EZR: variants seen among roughly 807,000 people sequenced by gnomAD.
The protein encoded by EZR is ezrin, also known as cytovillin 2.
EZR carries 40 observed loss-of-function variants against 74.8 expected under a neutral mutation model. That is an observed-to-expected ratio of 0.53 (90% CI 0.42 to 0.70). EZR has a LOEUF of 0.70. EZR is among the 30% of genes least tolerant of loss of function. The pLI is 0.00. For synonymous variants in EZR, 341 were observed against 283.3 expected (o/e 1.20, Z -2.05); for missense variants, 678 against 755.8 (o/e 0.90, Z 1.21).
chr6:158,808,670 T>C (rs954501325), intron 2 of EZR, among the ~76,000 whole-genome samples: 3 of 152,156 alleles, frequency 2.0e-5, no homozygotes, highest in Admixed American at 1.3e-4. Flanking sequence ...ACGCAGGATC[T>C]TGTTTACAGA....
chr6:158,790,346 A>T (rs976531012), intron 2 of EZR, among the ~76,000 whole-genome samples: 1 of 152,216 alleles, frequency 6.6e-6, no homozygotes, highest in Non-Finnish European at 1.5e-5. Context: ...GGGCCTTAAA[A>T]TATTTCTAAT....
chr6:158,807,821 T>A (rs973827465), intron 2 of EZR, among the ~76,000 whole-genome samples: 1 of 152,128 alleles, frequency 6.6e-6, no homozygotes, highest in Non-Finnish European at 1.5e-5. Context: ...CGGCTCCCTT[T>A]ACAACTCCAA....
intron 12 of EZR, among the ~76,000 whole-genome samples, 180 bp from the exon 13 acceptor site, chr6:158,767,692 C>A (rs1231132077): frequency 6.6e-6 from 1 of 152,128 alleles, no homozygotes; most frequent in Non-Finnish European, 1.5e-5. Context: ...CCTCTGCGTC[C>A]AAGACAGGAA....
rs145886084 is a variant in EZR at position 158,773,252 on chromosome 6, CTCCCTT to C, written c.796-1851_796-1846del. Among the ~76,000 whole-genome samples, 502 of 152,314 alleles carry C rather than the reference CTCCCTT, an allele frequency of 3.3e-3. 3 individuals are homozygous for C. The highest frequency in any genetic ancestry group is 0.023 in the Admixed American group (356 of 15,296). ...GGTTAACATAACAATGTCTCCCTCT[CTCCCTT>C]TCCCTGCAGAAGACAGGTCCTGCCA... On this transcript the variant is annotated intron_variant, in intron 8 of 13. Transcript: ENST00000367075.
chr6:158,767,384 A>C lies in EZR; in HGVS notation c.1473T>G (p.Asp491Glu). The C allele has an allele frequency of 6.2e-7, 1 of 1,610,706 alleles. No homozygotes were observed. The change falls in exon 13 of 14, where the codon GAT becomes GAG. Residue 491 changes from aspartate to glutamate, a missense_variant. Physicochemically the swap from Asp to Glu is conservative, Grantham distance 45. Around this residue, in one of 3 missense-constraint regions of EZR, gnomAD observed 342 missense variants for 341.2 expected, o/e 1.00. Coordinates refer to ENST00000367075, the MANE Select transcript of EZR (RefSeq NM_001111077.2). ...VSYHVQESLQ[D>E]EGAEPTGYSA... ...TGTAGCCCGTGGGCTCTGCGCCCTC[A>C]TCCTGCAAGCTCTCCTGGACATGGT...
At chr6:158,803,570 T>A (rs1418739178) in intron 2 of EZR, among the ~76,000 whole-genome samples, 5 of 7,850 alleles carry the variant, frequency 6.4e-4, no homozygotes, top group African/African-American at 7.7e-4. Flanking sequence ...TATATATATA[T>A]ATATATATAT....
At chr6:158,813,338 T>A (rs1038565259) in intron 2 of EZR, among the ~76,000 whole-genome samples, 14 of 152,204 alleles carry the variant, frequency 9.2e-5, no homozygotes, top group African/African-American at 3.4e-4. Context: ...TCAGGCATAC[T>A]CTCTGAAGCT....
intron 2 of EZR, among the ~76,000 whole-genome samples, chr6:158,815,443 G>A (rs1406562912): frequency 6.6e-6 from 1 of 152,126 alleles, no homozygotes; most frequent in Non-Finnish European, 1.5e-5. Flanking sequence ...TGGCAGACAG[G>A]TATGGCTGAC....
At chr6:158,773,758 C>T (rs1217820551) in intron 8 of EZR, among the ~76,000 whole-genome samples, 2 of 152,246 alleles carry the variant, frequency 1.3e-5, no homozygotes, top group African/African-American at 4.8e-5. Context: ...GGGAAGCGTC[C>T]GAGGAGTCAG....
intron 4 of EZR, among the ~76,000 whole-genome samples, 167 bp from the exon 5 acceptor site, chr6:158,785,750 A>G (rs374613494): frequency 3.9e-5 from 6 of 152,336 alleles, no homozygotes; most frequent in African/African-American, 9.6e-5. Context: ...AGGTTAGTCA[A>G]AAGTGCTACC....
chr6:158,787,959 C>T (rs1791627635), intron 3 of EZR, among the ~76,000 whole-genome samples: 1 of 152,200 alleles, frequency 6.6e-6, no homozygotes, highest in African/African-American at 2.4e-5. Flanking sequence ...AACAGAAAAG[C>T]AGTGATAGTC....
chr6:158,783,564 A>T lies in EZR; in HGVS notation c.654T>A (p.Leu218=), dbSNP rs760192037. 2 of 1,613,502 alleles carry T rather than the reference A, an allele frequency of 1.2e-6. No homozygotes were observed. Among genetic ancestry groups the T allele is most frequent in the South Asian group, 2.2e-5 (2 of 91,042 alleles). Residue 218 remains leucine, a synonymous_variant, in exon 7 of 14, where the codon CTT becomes CTA. Coordinates refer to ENST00000367075, the MANE Select transcript of EZR (RefSeq NM_001111077.2). ...TATTCAGTCCAAGGGCATCAACTCC[A>T]AGCCAAAGGTCTGTTCCTTTCTTGT... The part of the protein sequence containing the change: ...IKNKKGTDLW[L]GVDALGLNIY...
In EZR at chr6:158,776,515, A is replaced by C. The variant is rs1791283651; in HGVS notation, c.699-11T>G. 6.3e-7 allele frequency: 1 copy of C among 1,596,774 alleles called. No homozygotes were observed. The highest frequency in any genetic ancestry group is 8.6e-7 in the Non-Finnish European group (1 of 1,167,914). On this transcript the variant is annotated splice_polypyrimidine_tract_variant and intron_variant, in intron 7 of 13. Coordinates refer to ENST00000367075, the MANE Select transcript of EZR (RefSeq NM_001111077.2). ...ATCTTTGGGGTTAACCTGAGGTTAA[A>C]AAGAAGAAGTGGATGGTTAGATGTA...
chr6:158,766,186 C>CT lies in EZR; in HGVS notation c.*727dup, dbSNP rs1409049342. On this transcript the variant is annotated 3_prime_UTR_variant, in exon 14 of 14. Coordinates refer to ENST00000367075, the MANE Select transcript of EZR (RefSeq NM_001111077.2). ...AGGTAACAAAATATACAGAACAAAACTTTCCCTTTTTAAAACTAATGTTAC... is the reference window on the plus strand; with the variant it reads ...AGGTAACAAAATATACAGAACAAAACTTTTCCCTTTTTAAAACTAATGTTAC... 6.6e-6 allele frequency: 1 copy of CT among 152,292 alleles called. No homozygotes were observed. Among genetic ancestry groups the CT allele is most frequent in the Non-Finnish European group, 1.5e-5 (1 of 68,006 alleles). 9.4% of individuals were successfully genotyped at this position (152,292 alleles called of 1,614,324 possible).
At chr6:158,769,261 C>A (rs1791017974) in intron 12 of EZR, 65 bp downstream of exon 12, 2 of 1,441,960 alleles carry the variant, frequency 1.4e-6, no homozygotes, top group Non-Finnish European at 1.9e-6. Context: ...GCAGAAGGGC[C>A]CCACCGCAGG....
intron 2 of EZR, among the ~76,000 whole-genome samples, chr6:158,801,630 T>C (rs938064239): frequency 6.6e-6 from 1 of 152,206 alleles, no homozygotes; most frequent in Non-Finnish European, 1.5e-5. Context: ...CACCAGGATA[T>C]GTACTAGTCT....
At chr6:158,808,503 G>A (rs1276782284) in intron 2 of EZR, among the ~76,000 whole-genome samples, 1 of 152,094 alleles carries the variant, frequency 6.6e-6, no homozygotes, top group African/African-American at 2.4e-5. Flanking sequence ...GGGCTGCTAA[G>A]TTAGAGGAAA....
At chr6:158,818,861 T>G (rs2128579057) in intron 1 of EZR, among the ~76,000 whole-genome samples, 1 of 129,790 alleles carries the variant, frequency 7.7e-6, no homozygotes, top group African/African-American at 3.0e-5. Flanking sequence ...GGGGGGGCAC[T>G]CGCTGGGGAG....
chr6:158,784,263 T>G (rs1323785933), intron 6 of EZR, among the ~76,000 whole-genome samples: 1 of 152,230 alleles, frequency 6.6e-6, no homozygotes, highest in Non-Finnish European at 1.5e-5. Context: ...GGGATCCTTT[T>G]TCATTTATAT....
Sources: gnomAD v4.1 joint callset for allele counts (sites outside exome capture counted in the v4.1 genomes callset) on GRCh38, gnomAD v4.1.1 for gene constraint, gnomAD v4.1.1 regional missense constraint, MANE v1.5 for transcripts, NCBI Gene and HGNC (gene_info 2026-07-23, HGNC 2026-07-21) for gene names.